CACNB2: variants seen among roughly 807,000 people sequenced by gnomAD.
CACNB2 encodes the protein calcium voltage-gated channel auxiliary subunit beta 2, also known as voltage-dependent L-type calcium channel subunit beta-2.
In CACNB2, 42 loss-of-function variants were observed where a neutral mutation model predicts 73.3. The observed-to-expected ratio is 0.57, with a 90% CI of 0.45 to 0.74. The LOEUF (loss-of-function observed/expected upper bound fraction) is 0.74, where lower values mean the gene tolerates loss of function less well. Ranked by LOEUF, CACNB2 falls within the 30% of genes least tolerant of loss-of-function variation. The pLI is 0.00. For missense variants in CACNB2, 940 were observed against 853.0 expected, an observed-to-expected ratio of 1.10 and a Z score of -1.27; for synonymous variants, 348 against 310.3, an observed-to-expected ratio of 1.12 and a Z score of -1.28.
intron 2 of CACNB2, among the ~76,000 whole-genome samples, chr10:18,164,742 A>G (rs1334707532): frequency 2.0e-5 from 3 of 152,102 alleles, no homozygotes; most frequent in South Asian, 4.2e-4. Flanking sequence ...TACTCAAAGC[A>G]GAAGAATAAC....
At chr10:18,314,169 G>T (rs1177640447) in intron 2 of CACNB2, among the ~76,000 whole-genome samples, 1 of 152,084 alleles carries the variant, frequency 6.6e-6, no homozygotes, top group African/African-American at 2.4e-5. Context: ...CTAAATTCCC[G>T]ATATTGTGGT....
chr10:18,192,483 T>A (rs2034446361), intron 2 of CACNB2, among the ~76,000 whole-genome samples: 2 of 152,144 alleles, frequency 1.3e-5, no homozygotes, highest in African/African-American at 2.4e-5. Flanking sequence ...AAAGCACTGG[T>A]ATTACAGGTA....
intron 2 of CACNB2, among the ~76,000 whole-genome samples, chr10:18,156,368 C>G (rs548597895): frequency 1.3e-5 from 2 of 152,322 alleles, no homozygotes; most frequent in African/African-American, 4.8e-5. Context: ...ATTAACTAGT[C>G]TTCTGGCCCT....
intron 2 of CACNB2, among the ~76,000 whole-genome samples, chr10:18,275,590 A>G (rs2038249857): frequency 1.3e-5 from 2 of 152,176 alleles, no homozygotes; most frequent in African/African-American, 2.4e-5. Context: ...CATCCTGCAC[A>G]TGTACCCCTG....
At chr10:18,179,060 C>T (rs1462493727) in intron 2 of CACNB2, among the ~76,000 whole-genome samples, 1 of 152,190 alleles carries the variant, frequency 6.6e-6, no homozygotes, top group African/African-American at 2.4e-5. Context: ...TTAGAATTTT[C>T]TAGGCCTTAC....
rs1304942232 is a variant in CACNB2, at chr10:18,507,111, A to T, written c.670+564A>T. On this transcript the variant is annotated intron_variant, in intron 6 of 13. Transcript: ENST00000324631. ...ACTGCACCCAGCCATATTAACCTTT[A>T]ATCCCTAGTTCCTGCGATGGTGCTT... is the stretch of plus-strand genomic sequence containing the variant. Among the ~76,000 whole-genome samples the T allele has an allele frequency of 2.0e-5, 3 of 152,166 alleles. No homozygotes were observed. In the East Asian group the frequency reaches 5.8e-4, roughly 29 times the overall value.
intron 2 of CACNB2, among the ~76,000 whole-genome samples, chr10:18,348,236 T>G (rs1168809380): frequency 6.6e-6 from 1 of 152,176 alleles, no homozygotes. Flanking sequence ...ACATAAATAT[T>G]TAAAGAACTC....
chr10:18,255,203 G>C (rs1323043849), intron 2 of CACNB2, among the ~76,000 whole-genome samples: 2 of 152,100 alleles, frequency 1.3e-5, no homozygotes, highest in Non-Finnish European at 2.9e-5. Context: ...TCATGATCTT[G>C]CCTGATAATC....
chr10:18,269,929 G>C (rs1024932822), intron 2 of CACNB2, among the ~76,000 whole-genome samples: 4 of 152,122 alleles, frequency 2.6e-5, no homozygotes. Flanking sequence ...TTCCTTGAGA[G>C]CTCTGGAATC....
chr10:18,242,396 A>G (rs951625603), intron 2 of CACNB2, among the ~76,000 whole-genome samples: 1 of 152,230 alleles, frequency 6.6e-6, no homozygotes, highest in Admixed American at 6.5e-5. Context: ...TAATTAGAAT[A>G]AATGTGTTGA....
At chr10:18,175,642 G>C (rs2033542886) in intron 2 of CACNB2, among the ~76,000 whole-genome samples, 1 of 152,162 alleles carries the variant, frequency 6.6e-6, no homozygotes, top group African/African-American at 2.4e-5. Flanking sequence ...CTGCCGCCCA[G>C]GCTGGAGAGC....
chr10:18,518,453 T>C, intron 8 of CACNB2, 37 bp downstream of exon 8: 6 of 1,371,962 alleles, frequency 4.4e-6, no homozygotes, highest in Non-Finnish European at 5.2e-6. Flanking sequence ...TTAACTTGCA[T>C]GCTGAACTTC....
chr10:18,183,562 A>T (rs771215900), intron 2 of CACNB2, among the ~76,000 whole-genome samples: 1 of 152,202 alleles, frequency 6.6e-6, no homozygotes, highest in Non-Finnish European at 1.5e-5. Flanking sequence ...GAGAGCTTGT[A>T]CAGGGGAACC....
At chr10:18,520,210 G>A (rs539946105) in intron 9 of CACNB2, 2 of 153,692 alleles carry the variant, frequency 1.3e-5, no homozygotes, top group African/African-American at 4.8e-5. Context: ...CTTTTCAAAT[G>A]TAACCTCCCC....
At chr10:18,227,462 C>T (rs996671160) in intron 2 of CACNB2, among the ~76,000 whole-genome samples, 1 of 152,052 alleles carries the variant, frequency 6.6e-6, no homozygotes, top group African/African-American at 2.4e-5. Flanking sequence ...AGGAGGAAAG[C>T]GCAGAGATGG....
chr10:18,527,760 G>C, intron 10 of CACNB2, 63 bp downstream of exon 10: 1 of 1,004,992 alleles, frequency 1.0e-6, no homozygotes, highest in Non-Finnish European at 1.6e-6. Context: ...ATGATGAGAA[G>C]ACCTAACAAG....
At chr10:18,485,913 CAT>C (rs1491572642) in intron 3 of CACNB2, among the ~76,000 whole-genome samples, 1 of 97,170 alleles carries the variant, frequency 1.0e-5, no homozygotes, top group African/African-American at 5.3e-5. Flanking sequence ...GGATCTGGGT[CAT>C]TTTTTTTTTT....
intron 10 of CACNB2, 54 bp from the exon 11 acceptor site, chr10:18,534,022 T>C (rs2053316618): frequency 6.3e-7 from 1 of 1,582,780 alleles, no homozygotes; most frequent in East Asian, 2.2e-5. Context: ...AGTATACCAT[T>C]TTACTTTATC....
chr10:18,394,760 C>T (rs1044548719), intron 2 of CACNB2, among the ~76,000 whole-genome samples: 26 of 152,116 alleles, frequency 1.7e-4, no homozygotes, highest in African/African-American at 5.8e-4. Context: ...GAAATATTTG[C>T]AATTATTATC....
Sources: gnomAD v4.1 joint callset for allele counts (sites outside exome capture counted in the v4.1 genomes callset) on GRCh38, gnomAD v4.1.1 for gene constraint, MANE v1.5 for transcripts, NCBI Gene and HGNC (gene_info 2026-07-23, HGNC 2026-07-21) for gene names.